PIGN: variants seen among roughly 807,000 people sequenced by gnomAD.
PIGN encodes phosphatidylinositol glycan anchor biosynthesis class N.
PIGN carries 117 observed loss-of-function variants against 125.4 expected under a neutral mutation model. The observed-to-expected ratio is 0.93, with a 90% confidence interval of 0.80 to 1.09. The LOEUF is 1.09. PIGN is among the 50% of genes least tolerant of loss of function. The pLI is 0.00. For synonymous variants in PIGN, 392 were observed against 377.8 expected (o/e 1.04, Z -0.44); for missense variants, 1,075 against 1,094.9 (o/e 0.98, Z 0.26).
chr18:62,124,924 A>G (rs2035447626), intron 14 of PIGN, among the ~76,000 whole-genome samples: 1 of 151,394 alleles, frequency 6.6e-6, no homozygotes, highest in African/African-American at 2.4e-5. Context: ...GTCAAAAAAC[A>G]TGTAATTATT....
chr18:62,113,921 A>T (rs886216085), intron 15 of PIGN, among the ~76,000 whole-genome samples: 4 of 152,226 alleles, frequency 2.6e-5, no homozygotes, highest in Non-Finnish European at 4.4e-5. Context: ...TTTCAACATG[A>T]ATCATTAGAC....
intron 17 of PIGN, among the ~76,000 whole-genome samples, chr18:62,108,893 C>T (rs620332): frequency 0.83 from 125,681 of 152,166 alleles, 52,606 homozygotes; most frequent in Non-Finnish European, 0.89. Flanking sequence ...CAGCCAACTC[C>T]GAAATATTTT....
chr18:62,158,139 T>G (rs1476256067), intron 4 of PIGN: 1 of 201,538 alleles, frequency 5.0e-6, no homozygotes, highest in African/African-American at 2.3e-5. Flanking sequence ...ATTATATCAA[T>G]GTTAAATTGC....
chr18:62,157,817 T>TA lies in PIGN; in HGVS notation c.222-10dup. Reference sequence around the variant, plus strand: ...CATGCATTATGATATTCCTAAAAGATATTAAAGACAAATAGTTAACACAGA... The same window carrying TA: ...CATGCATTATGATATTCCTAAAAGATAATTAAAGACAAATAGTTAACACAGA... On this transcript the variant is annotated splice_polypyrimidine_tract_variant and intron_variant, in intron 4 of 30. Coordinates refer to ENST00000640252, the MANE Select transcript of PIGN (RefSeq NM_176787.5). 2 of 1,604,582 alleles carry TA rather than the reference T, an allele frequency of 1.2e-6. No individual in the cohort carries two copies. Among genetic ancestry groups the TA allele is most frequent in the South Asian group, 2.2e-5 (2 of 89,534 alleles).
At chr18:62,172,335 T>G (rs1599686104) in intron 1 of PIGN, among the ~76,000 whole-genome samples, 1 of 152,134 alleles carries the variant, frequency 6.6e-6, no homozygotes, top group South Asian at 2.1e-4. Context: ...ACATTAGTTA[T>G]TCAAAATAAG....
At chr18:62,185,319 A>G (rs1251521052) in intron 1 of PIGN, among the ~76,000 whole-genome samples, 1 of 152,130 alleles carries the variant, frequency 6.6e-6, no homozygotes, top group Non-Finnish European at 1.5e-5. Context: ...TTTTTTCCCC[A>G]TGTTTTACTT....
intron 23 of PIGN, among the ~76,000 whole-genome samples, chr18:62,094,313 T>A (rs1306330421): frequency 6.6e-6 from 1 of 152,160 alleles, no homozygotes; most frequent in Non-Finnish European, 1.5e-5. Context: ...TAAATCTGTT[T>A]ATTGCTTTAG....
intron 23 of PIGN, among the ~76,000 whole-genome samples, chr18:62,092,350 C>T (rs1246062691): frequency 6.6e-6 from 1 of 151,982 alleles, no homozygotes; most frequent in East Asian, 1.9e-4. Flanking sequence ...AGATATTATA[C>T]ATTGGCACTG....
At chr18:62,031,617 C>T (rs939115813) in intron 23 of PIGN, among the ~76,000 whole-genome samples, 1 of 152,164 alleles carries the variant, frequency 6.6e-6, no homozygotes, top group Non-Finnish European at 1.5e-5. Flanking sequence ...CAGGGACCAT[C>T]CTCCCCAAAC....
At chr18:62,050,869 C>T (rs958095117) in intron 30 of PIGN, among the ~76,000 whole-genome samples, 3 of 150,894 alleles carry the variant, frequency 2.0e-5, no homozygotes, top group African/African-American at 4.8e-5. Flanking sequence ...TTTTGAGATA[C>T]GTCCCATCAA....
intron 25 of PIGN, among the ~76,000 whole-genome samples, chr18:62,085,474 C>T (rs1422395579): frequency 6.6e-6 from 1 of 152,058 alleles, no homozygotes; most frequent in South Asian, 2.1e-4. Context: ...ATAATGAGGC[C>T]TGAGAGGTCA....
chr18:62,053,782 C>T (rs1260794406), intron 30 of PIGN, among the ~76,000 whole-genome samples: 2 of 152,022 alleles, frequency 1.3e-5, no homozygotes, highest in South Asian at 4.1e-4. Flanking sequence ...AACACTCTAC[C>T]CAACAACAGC....
intron 14 of PIGN, among the ~76,000 whole-genome samples, chr18:62,120,930 A>G (rs2035279828): frequency 6.6e-6 from 1 of 152,158 alleles, no homozygotes; most frequent in African/African-American, 2.4e-5. Context: ...ACAAACAACA[A>G]AGTCAATTAT....
At chr18:62,051,437 T>C (rs1379539683) in intron 30 of PIGN, among the ~76,000 whole-genome samples, 1 of 152,176 alleles carries the variant, frequency 6.6e-6, no homozygotes, top group East Asian at 1.9e-4. Flanking sequence ...TGGGAGGGTG[T>C]ATGTGTCGAG....
rs9951071 is a variant in PIGN at position 62,150,142 on chromosome 18, C to T, written c.550-1804G>A. 1.0e-2 allele frequency among the ~76,000 whole-genome samples: 1,517 copies of T among 152,164 alleles called. 21 individuals are homozygous for T. The highest frequency in any genetic ancestry group is 0.049 in the East Asian group (255 of 5,162). On this transcript the variant is annotated intron_variant, in intron 7 of 30. Coordinates refer to ENST00000640252, the MANE Select transcript of PIGN (RefSeq NM_176787.5). ...GATTTCAGACATGCACCACCATGCT[C>T]GGCTAATTTTTTTGTATTTTTAGTA...
At chr18:62,164,981 C>A (rs893572313) in intron 1 of PIGN, among the ~76,000 whole-genome samples, 1 of 152,102 alleles carries the variant, frequency 6.6e-6, no homozygotes, top group African/African-American at 2.4e-5. Flanking sequence ...TGCTTTTCCC[C>A]ACGAAAAGGC....
At chr18:62,142,040 A>C (rs1228329211) in intron 11 of PIGN, among the ~76,000 whole-genome samples, 2 of 152,150 alleles carry the variant, frequency 1.3e-5, no homozygotes, top group Admixed American at 6.5e-5. Context: ...TATCATATAC[A>C]TCCACTCTAC....
downstream of PIGN, among the ~76,000 whole-genome samples, chr18:62,039,445 A>G (rs1216326982): frequency 1.3e-5 from 2 of 151,816 alleles, no homozygotes; most frequent in Non-Finnish European, 2.9e-5. Context: ...TTTCTGTTTC[A>G]GGGCCCCATC....
At chr18:62,039,566 C>T (rs1288845064), downstream of PIGN, among the ~76,000 whole-genome samples, 2 of 94,072 alleles carry the variant, frequency 2.1e-5, no homozygotes, top group Non-Finnish European at 4.6e-5. Context: ...GGGTGCCGCA[C>T]CCCATGTTTA....
Sources: allele counts gnomAD v4.1 joint callset (sites outside exome capture counted in the v4.1 genomes callset), GRCh38; gene constraint gnomAD v4.1.1; transcripts MANE v1.5; gene names NCBI Gene and HGNC (gene_info 2026-07-23, HGNC 2026-07-21).